Variants in TAF15 observed in about 807,000 individuals in gnomAD.
TAF15 encodes TATA-box binding protein associated factor 15.
A neutral mutation model predicts 102.5 loss-of-function variants in TAF15; 37 were observed. The ratio of observed to expected loss-of-function variants is 0.36; its 90% confidence interval spans 0.28 to 0.47. TAF15 has a LOEUF of 0.47. TAF15 is among the 20% of genes least tolerant of loss of function. The probability of loss-of-function intolerance (pLI) is 0.99; values close to 1 mark genes in which losing one functional copy is unlikely to be tolerated. For synonymous variants in TAF15, 273 were observed against 259.2 expected (o/e 1.05, Z -0.51); for missense variants, 652 against 760.7 (o/e 0.86, Z 1.68).
chr17:35,817,743 G>T lies in TAF15; in HGVS notation c.35G>T (p.Gly12Val), dbSNP rs748733855. Reference sequence around the variant, plus strand: ...TCTGGAAGTTACGGTCAGTCTGGGGGTGAGCAGCAAAGGTAAAGTATACAT... The same window carrying T: ...TCTGGAAGTTACGGTCAGTCTGGGGTTGAGCAGCAAAGGTAAAGTATACAT... ...SDSGSYGQSGGEQQSYSTYGN... is the reference protein window; with the variant it reads ...SDSGSYGQSGVEQQSYSTYGN... The change falls in exon 2 of 16, where the codon GGT (glycine) becomes GTT (valine). Residue 12 changes from glycine (G) to valine (V), a missense_variant. Gly to Val is a moderately radical substitution (Grantham distance 109, BLOSUM62 -3). Coordinates refer to ENST00000605844, the MANE Select transcript of TAF15 (RefSeq NM_139215.3). 1.6e-5 allele frequency: 26 copies of T among 1,613,470 alleles called. No individual in the cohort carries two copies. The highest frequency in any genetic ancestry group is 2.1e-5 in the Non-Finnish European group (25 of 1,179,524).
At chr17:35,831,752 G>C (rs903183169) in intron 7 of TAF15, among the ~76,000 whole-genome samples, 3 of 152,046 alleles carry the variant, frequency 2.0e-5, no homozygotes, top group South Asian at 2.1e-4. Context: ...ATAAGAACGT[G>C]GGCTTAAGTT....
chr17:35,815,391 A>G (rs1598518119), intron 1 of TAF15, among the ~76,000 whole-genome samples: 1 of 152,234 alleles, frequency 6.6e-6, no homozygotes, highest in Non-Finnish European at 1.5e-5. Context: ...TCAAGGATTT[A>G]TACCAAGGGA....
At position 35,833,961 on chromosome 17, in the gene TAF15, A is replaced by C. The variant is rs765116444; in HGVS notation, c.640+20A>C. On this transcript the variant is annotated intron_variant, in intron 8 of 15. Coordinates refer to ENST00000605844, the MANE Select transcript of TAF15 (RefSeq NM_139215.3). ...TTGGTGGTAAGTGCTGAGTATCCCA[A>C]AATGTTTCAGTGGAAATGCTATATA... 3 of 1,613,426 alleles carry C rather than the reference A, an allele frequency of 1.9e-6. No homozygotes were observed. Among genetic ancestry groups the C allele is most frequent in the East Asian group, 2.2e-5 (1 of 44,882 alleles).
intron 7 of TAF15, chr17:35,833,604 T>G: frequency 3.7e-6 from 1 of 273,474 alleles, no homozygotes; most frequent in Non-Finnish European, 6.9e-6. Context: ...TTTCATGCTG[T>G]GCCTCCAGCT....
Position 35,834,723 on chromosome 17 carries a change from A to T in TAF15, c.673+125A>T, listed in dbSNP as rs535139838. 10 of 687,760 alleles carry T rather than the reference A, an allele frequency of 1.5e-5. No homozygotes were observed. In the South Asian group the frequency reaches 1.8e-4, roughly 13 times the overall value. The allele number at this position is 687,760 out of a possible 1,614,324, so 42.6% of individuals were successfully genotyped here. A position where few individuals can be genotyped will look rare whatever the true frequency, so the allele number is the denominator to read the frequency against. ...GATTTAATTTGATAGTGCTGCCAGA[A>T]CTGGGGAGCTTTATTTCTTTTTTTT... On this transcript the variant is annotated intron_variant, in intron 9 of 15. Transcript: ENST00000605844.
intron 7 of TAF15, among the ~76,000 whole-genome samples, chr17:35,825,228 A>AT (rs1314901858): frequency 2.0e-5 from 3 of 152,196 alleles, no homozygotes; most frequent in Non-Finnish European, 4.4e-5. Context: ...CAGTGCTTTG[A>AT]TTTTTTGGAA....
chr17:35,820,291 A>G (rs764593414), intron 4 of TAF15, 41 bp from the exon 5 acceptor site: 2 of 1,613,862 alleles, frequency 1.2e-6, no homozygotes, highest in Non-Finnish European at 8.5e-7. Flanking sequence ...AGATTGAAAA[A>G]TCAGAGCCTT....
At chr17:35,818,007 A>G (rs1345843608) in intron 2 of TAF15, among the ~76,000 whole-genome samples, 1 of 151,926 alleles carries the variant, frequency 6.6e-6, no homozygotes, top group Non-Finnish European at 1.5e-5. Context: ...CTACAGCCTT[A>G]AATTCCTGGG....
At chr17:35,820,920 A>T (rs2087250718) in intron 5 of TAF15, among the ~76,000 whole-genome samples, 1 of 152,176 alleles carries the variant, frequency 6.6e-6, no homozygotes. Context: ...GGTTTTATAA[A>T]GTTTTTTTAC....
rs776361883 is a variant in TAF15 at position 35,844,600 on chromosome 17, G to T, written c.1301G>T (p.Gly434Val). The T allele has an allele frequency of 5.0e-6, 8 of 1,600,014 alleles. No individual in the cohort carries two copies. Among genetic ancestry groups the T allele is most frequent in the Non-Finnish European group, 6.8e-6 (8 of 1,172,480 alleles). The change falls in exon 15 of 16, where the codon GGT becomes GTT. Residue 434 changes from glycine (G) to valine (V), a missense_variant. Gly to Val is a moderately radical substitution (Grantham distance 109). This residue lies in a region of TAF15 where 368 missense variants were observed against 367.5 expected (regional missense o/e 1.00). Coordinates refer to ENST00000605844, the MANE Select transcript of TAF15 (RefSeq NM_139215.3). The part of the protein sequence containing the change: ...GGGYGGDRSS[G>V]GGYSGDRSGG... ...GGCTATGGTGGAGACAGAAGCAGCGGTGGTGGCTACAGCGGAGATAGAAGT... is the reference window on the plus strand; with the variant it reads ...GGCTATGGTGGAGACAGAAGCAGCGTTGGTGGCTACAGCGGAGATAGAAGT...
Position 35,824,140 on chromosome 17 carries a change from G to A in TAF15, c.547G>A (p.Gly183Arg). ...TAGAGGATATGGCGGGTCACAGGGA[G>A]GAGGTAGAGGGCGTGGGGGATATGA... ...DNRGYGGSQGGGRGRGGYDKD... is the reference protein window; with the variant it reads ...DNRGYGGSQGRGRGRGGYDKD... Residue 183 changes from glycine (G) to arginine (R), a missense_variant, in exon 7 of 16, where the codon GGA becomes AGA. Transcript: ENST00000605844. 1 of 1,614,096 alleles carries A rather than the reference G, an allele frequency of 6.2e-7. No homozygotes were observed. The highest frequency in any genetic ancestry group is 8.5e-7 in the Non-Finnish European group (1 of 1,180,030).
In TAF15 at chr17:35,844,598, C is replaced by G. The variant is rs772800431; in HGVS notation, c.1299C>G (p.Ser433Arg). ...SGGGYGGDRS[S>R]GGGYSGDRSG... Reference sequence around the variant, plus strand: ...GTGGCTATGGTGGAGACAGAAGCAGCGGTGGTGGCTACAGCGGAGATAGAA... The same window carrying G: ...GTGGCTATGGTGGAGACAGAAGCAGGGGTGGTGGCTACAGCGGAGATAGAA... The change falls in exon 15 of 16, where the codon AGC becomes AGG. Residue 433 changes from serine (S) to arginine (R), a missense_variant. Physicochemically the swap from Ser to Arg is moderately radical, Grantham distance 110. Coordinates refer to ENST00000605844, the MANE Select transcript of TAF15 (RefSeq NM_139215.3). 4 of 1,526,348 alleles carry G rather than the reference C, an allele frequency of 2.6e-6. No individual in the cohort carries two copies. Among genetic ancestry groups the G allele is most frequent in the South Asian group, 1.2e-5 (1 of 83,996 alleles). 94.6% of individuals were successfully genotyped at this position (1,526,348 alleles called of 1,614,324 possible).
chr17:35,845,975 G>A (rs1411077190), intron 15 of TAF15, among the ~76,000 whole-genome samples: 1 of 152,208 alleles, frequency 6.6e-6, no homozygotes, highest in African/African-American at 2.4e-5. Context: ...ATACTACCCT[G>A]CAGTTGTTTT....
chr17:35,809,524 G>T lies in TAF15; in HGVS notation c.-46G>T, dbSNP rs770198221. On this transcript the variant is annotated 5_prime_UTR_variant, in exon 1 of 16. Transcript: ENST00000605844. ...GCCGCGCCGCCTGGCTTTCGTATTC[G>T]TTGTTCTCGGCGGGCTGTGGGGCCT... is the stretch of plus-strand genomic sequence containing the variant. 55 of 1,612,302 alleles carry T rather than the reference G, an allele frequency of 3.4e-5. No homozygotes were observed. Among genetic ancestry groups the T allele is most frequent in the Non-Finnish European group, 4.7e-5 (55 of 1,179,634 alleles).
At chr17:35,811,339 T>C (rs1234207651) in intron 1 of TAF15, 1 of 152,222 alleles carries the variant, frequency 6.6e-6, no homozygotes, top group Non-Finnish European at 1.5e-5. Context: ...TATTTGTTAT[T>C]TTGTAGTTCG....
intron 7 of TAF15, among the ~76,000 whole-genome samples, chr17:35,831,686 C>T (rs2087408182): frequency 6.6e-6 from 1 of 152,160 alleles, no homozygotes; most frequent in African/African-American, 2.4e-5. Flanking sequence ...AACCCAGTGA[C>T]CTCCAATTTC....
intron 15 of TAF15, among the ~76,000 whole-genome samples, chr17:35,845,321 C>G (rs541704147): frequency 1.3e-5 from 2 of 152,208 alleles, no homozygotes; most frequent in East Asian, 1.9e-4. Flanking sequence ...GTGGTATGAT[C>G]ATAGTTCATT....
intron 10 of TAF15, among the ~76,000 whole-genome samples, chr17:35,838,137 G>A (rs553280366): frequency 2.0e-5 from 3 of 152,194 alleles, no homozygotes; most frequent in South Asian, 4.1e-4. Flanking sequence ...GAGTATGATC[G>A]TGCCACTGCA....
chr17:35,834,740 C>CTTTTTTTTTTTTTTTTTTTTTTTTTTTT lies in TAF15; in HGVS notation c.673+164_673+165insTTTTTTTTTTTTTTTTTTTTTTTTTTTT, dbSNP rs533058888. Reference sequence around the variant, plus strand: ...CTGCCAGAACTGGGGAGCTTTATTTCTTTTTTTTTTTTTTTTTTTTTTGAG... The same window carrying CTTTTTTTTTTTTTTTTTTTTTTTTTTTT: ...CTGCCAGAACTGGGGAGCTTTATTTCTTTTTTTTTTTTTTTTTTTTTTTTTTTTTTTTTTTTTTTTTTTTTTTTTTGAG... On this transcript the variant is annotated intron_variant, in intron 9 of 15. Coordinates refer to ENST00000605844, the MANE Select transcript of TAF15 (RefSeq NM_139215.3). The CTTTTTTTTTTTTTTTTTTTTTTTTTTTT allele has an allele frequency of 1.3e-4, 30 of 236,406 alleles. 4 individuals are homozygous for CTTTTTTTTTTTTTTTTTTTTTTTTTTTT. Among genetic ancestry groups the CTTTTTTTTTTTTTTTTTTTTTTTTTTTT allele is most frequent in the African/African-American group, 1.0e-3 (20 of 19,374 alleles). The allele number at this position is 236,406 out of a possible 1,614,324, so 14.6% of individuals were successfully genotyped here. A position where few individuals can be genotyped will look rare whatever the true frequency, so the allele number is the denominator to read the frequency against.
Sources: gnomAD v4.1 joint callset for allele counts (sites outside exome capture counted in the v4.1 genomes callset) on GRCh38, gnomAD v4.1.1 for gene constraint, gnomAD v4.1.1 regional missense constraint, MANE v1.5 for transcripts, NCBI Gene and HGNC (gene_info 2026-07-23, HGNC 2026-07-21) for gene names.